POLD1: variants seen among roughly 807,000 people sequenced by gnomAD.
POLD1 encodes the protein DNA polymerase delta 1, catalytic subunit, also known as DNA polymerase delta catalytic subunit.
A neutral mutation model predicts 129.7 loss-of-function variants in POLD1; 79 were observed. That is an observed-to-expected ratio of 0.61 (90% CI 0.51 to 0.73). The LOEUF (loss-of-function observed/expected upper bound fraction) is 0.73. Ranked by LOEUF, POLD1 falls within the 30% of genes least tolerant of loss-of-function variation. POLD1 has a pLI of 0.00. For missense variants in POLD1, 1,338 were observed against 1,595.8 expected, an observed-to-expected ratio of 0.84 and a Z score of 2.75; for synonymous variants, 714 against 683.3, an observed-to-expected ratio of 1.04 and a Z score of -0.70.
chr19:50,417,419 T>C, intron 26 of POLD1, 150 bp downstream of exon 26: 1 of 620,248 alleles, frequency 1.6e-6, no homozygotes, highest in Admixed American at 2.9e-5. Flanking sequence ...AGCCTCAGTG[T>C]CCTTGTCTGA....
chr19:50,395,876 CTTTTTTTTTTTT>C (rs774272686), intron 1 of POLD1, among the ~76,000 whole-genome samples: 1 of 73,658 alleles, frequency 1.4e-5, no homozygotes, highest in South Asian at 6.1e-4. Flanking sequence ...AGGATATATA[CTTTTTTTTTTTT>C]TTTTTTTTTT....
chr19:50,388,206 A>C (rs369300225), intron 1 of POLD1, among the ~76,000 whole-genome samples: 2 of 152,206 alleles, frequency 1.3e-5, no homozygotes, highest in East Asian at 1.9e-4. Context: ...TAAAGGATTT[A>C]GGCTTTTTGG....
chr19:50,399,600 C>CCT (rs2038508748), intron 3 of POLD1, 116 bp downstream of exon 3: 2 of 725,172 alleles, frequency 2.8e-6, no homozygotes, highest in Non-Finnish European at 4.8e-6. Context: ...CAGGTCAGCC[C>CCT]CTCTGGCTCT....
rs2038905045 is a variant in POLD1, at chr19:50,406,868, C to T, written c.1495-115C>T. ...TGACGACTTGGAGGGCCCTCCTGCCCGCCTCACCTCCCAGGCCCTCCCCAG... is the reference window on the plus strand; with the variant it reads ...TGACGACTTGGAGGGCCCTCCTGCCTGCCTCACCTCCCAGGCCCTCCCCAG... On this transcript the variant is annotated intron_variant, in intron 12 of 26. Coordinates refer to ENST00000440232, the MANE Select transcript of POLD1 (RefSeq NM_002691.4). This position sits in a 1 kb window ranked among gnomAD's most constrained non-coding sequence, Gnocchi z 5.5. 7.0e-6 allele frequency: 6 copies of T among 860,362 alleles called. No individual in the cohort carries two copies. Among genetic ancestry groups the T allele is most frequent in the South Asian group, 3.3e-5 (2 of 60,622 alleles). The allele number at this position is 860,362 out of a possible 1,614,324, so 53.3% of individuals were successfully genotyped here. A position where few individuals can be genotyped will look rare whatever the true frequency, so the allele number is the denominator to read the frequency against.
In POLD1 at chr19:50,403,490, C is replaced by G. The variant is rs200072694; in HGVS notation, c.1138-3C>G. ...GGGTGACCCAATGTGCTCCCACCCC[C>G]AGGCCTGGTCCACCTTCATCCGTAT... On this transcript the variant is annotated splice_region_variant and splice_polypyrimidine_tract_variant and intron_variant, in intron 9 of 26. Coordinates refer to ENST00000440232, the MANE Select transcript of POLD1 (RefSeq NM_002691.4). The G allele has an allele frequency of 6.2e-7, 1 of 1,610,888 alleles. No homozygotes were observed. The highest frequency in any genetic ancestry group is 8.5e-7 in the Non-Finnish European group (1 of 1,177,036).
chr19:50,414,435 G>A (rs903125889), intron 19 of POLD1, among the ~76,000 whole-genome samples: 4 of 152,326 alleles, frequency 2.6e-5, no homozygotes, highest in Admixed American at 6.5e-5. Context: ...ACGCTCTCTC[G>A]TGCCAGGCCT....
At position 50,384,403 on chromosome 19, in the gene POLD1, GA is replaced by G; in HGVS notation, c.-2+18del. On this transcript the variant is annotated intron_variant, in intron 1 of 26. Transcript: ENST00000440232. Reference sequence around the variant, plus strand: ...CTGTTTGAAGCGGGTGAGTAGAGGGGAAAAAGGGAGTTCGGGGCAGTGGGCC... The same window carrying G: ...CTGTTTGAAGCGGGTGAGTAGAGGGGAAAAGGGAGTTCGGGGCAGTGGGCC... 2 of 152,728 alleles carry G rather than the reference GA, an allele frequency of 1.3e-5. No homozygotes were observed. Among genetic ancestry groups the G allele is most frequent in the Non-Finnish European group, 2.9e-5 (2 of 68,262 alleles). 9.5% of individuals were successfully genotyped at this position (152,728 alleles called of 1,614,324 possible).
chr19:50,389,870 G>A (rs2038093722), intron 1 of POLD1, among the ~76,000 whole-genome samples: 1 of 151,150 alleles, frequency 6.6e-6, no homozygotes, highest in Non-Finnish European at 1.5e-5. Context: ...ACAGGCGTGA[G>A]CCACCATGTC....
In POLD1 at chr19:50,402,790, C is replaced by A; in HGVS notation, c.970+49C>A. 3 of 1,549,564 alleles carry A rather than the reference C, an allele frequency of 1.9e-6. No homozygotes were observed. In the South Asian group the frequency reaches 3.6e-5, roughly 19 times the overall value. ...TGCCCGCCTCATTGATGTGCCAAGT[C>A]GGGGGTCGGAAAGGCAGGTCCGGTG... On this transcript the variant is annotated intron_variant, in intron 8 of 26. Transcript: ENST00000440232.
At chr19:50,402,574 G>T in intron 7 of POLD1, 38 bp from the exon 8 acceptor site, 1 of 1,573,396 alleles carries the variant, frequency 6.4e-7, no homozygotes, top group Non-Finnish European at 8.6e-7. Context: ...TGGGGAGCTG[G>T]TACCCTGCTG....
chr19:50,411,604 G>T (rs1428992135), intron 17 of POLD1, among the ~76,000 whole-genome samples: 1 of 152,196 alleles, frequency 6.6e-6, no homozygotes, highest in East Asian at 1.9e-4. Flanking sequence ...ACTTTAGGAG[G>T]CCGAGGCGGG....
chr19:50,401,391 ATTTTTTTTTTTTT>A (rs1203165864), intron 3 of POLD1, among the ~76,000 whole-genome samples: 23 of 65,944 alleles, frequency 3.5e-4, no homozygotes, highest in African/African-American at 1.4e-3. Flanking sequence ...ATATATATAT[ATTTTTTTTTTTTT>A]TTTTTTTTTT....
At chr19:50,390,572 A>ATTTTTTTTTTTTTT (rs563258123) in intron 1 of POLD1, among the ~76,000 whole-genome samples, 1 of 136,118 alleles carries the variant, frequency 7.3e-6, no homozygotes, top group African/African-American at 2.8e-5. Flanking sequence ...CTTGAGAACT[A>ATTTTTTTTTTTTTT]TTTTTTTTTT....
At chr19:50,388,244 G>C (rs2038035864) in intron 1 of POLD1, among the ~76,000 whole-genome samples, 2 of 152,182 alleles carry the variant, frequency 1.3e-5, no homozygotes, top group Non-Finnish European at 2.9e-5. Context: ...AAAATTGACT[G>C]TGGTGATGGT....
At chr19:50,404,028 G>T (rs1428803135) in intron 10 of POLD1, among the ~76,000 whole-genome samples, 1 of 152,084 alleles carries the variant, frequency 6.6e-6, no homozygotes, top group African/African-American at 2.4e-5. Context: ...TCCTCTGCCC[G>T]AGTTGCTGTA....
At chr19:50,398,064 CAG>C (rs2122184611) in intron 1 of POLD1, among the ~76,000 whole-genome samples, 1 of 152,174 alleles carries the variant, frequency 6.6e-6, no homozygotes, top group East Asian at 1.9e-4. Flanking sequence ...TGTGGGAGGG[CAG>C]AGAGAGGCGG....
At chr19:50,415,066 C>T (rs2039228056) in intron 20 of POLD1, 76 bp downstream of exon 20, 1 of 1,319,232 alleles carries the variant, frequency 7.6e-7, no homozygotes, top group Non-Finnish European at 1.0e-6. Context: ...GGAGTCTAGG[C>T]CCCAGCCCCT....
Position 50,403,176 on chromosome 19 carries a change from G to T in POLD1, c.1094G>T (p.Gly365Val). The change falls in exon 9 of 27, where the codon GGT (glycine) becomes GTT (valine). Residue 365 changes from glycine (G) to valine (V), a missense_variant. Physicochemically the swap from Gly to Val is moderately radical, Grantham distance 109 (BLOSUM62 -3). Coordinates refer to ENST00000440232, the MANE Select transcript of POLD1 (RefSeq NM_002691.4). ...LTLRPCAPIL[G>V]AKVQSYEKEE... is the part of the protein sequence containing the mutation. ...CTGCGGCCCTGTGCCCCCATCCTGGGTGCCAAGGTGCAGAGCTACGAGAAG... is the reference window on the plus strand; with the variant it reads ...CTGCGGCCCTGTGCCCCCATCCTGGTTGCCAAGGTGCAGAGCTACGAGAAG... 1 of 1,562,330 alleles carries T rather than the reference G, an allele frequency of 6.4e-7. No individual in the cohort carries two copies. The highest frequency in any genetic ancestry group is 8.7e-7 in the Non-Finnish European group (1 of 1,153,018).
chr19:50,403,582 G>A lies in POLD1; in HGVS notation c.1227G>A (p.Arg409=). 1 of 1,612,160 alleles carries A rather than the reference G, an allele frequency of 6.2e-7. No homozygotes were observed. Among genetic ancestry groups the A allele is most frequent in the Non-Finnish European group, 8.5e-7 (1 of 1,178,242 alleles). The change falls in exon 10 of 27, where the codon CGG becomes CGA. Residue 409 remains arginine, a synonymous_variant. Coordinates refer to ENST00000440232, the MANE Select transcript of POLD1 (RefSeq NM_002691.4). ...QNFDLPYLIS[R]AQTLKVQTFP... ...TCGACCTTCCGTACCTCATCTCTCG[G>A]GCCCAGACCCTCAAGGTGAGGGCTG...
Sources: allele counts gnomAD v4.1 joint callset (sites outside exome capture counted in the v4.1 genomes callset), GRCh38; gene constraint gnomAD v4.1.1; non-coding constraint Gnocchi (gnomAD v3.1); transcripts MANE v1.5; gene names NCBI Gene and HGNC (gene_info 2026-07-23, HGNC 2026-07-21).